MTMR3: variants seen among roughly 807,000 people sequenced by gnomAD.
MTMR3 encodes the protein myotubularin related protein 3, also known as phosphatidylinositol-3,5-bisphosphate 3-phosphatase MTMR3.
Under a neutral mutation model 132.4 loss-of-function variants are expected in MTMR3, and 32 were observed. The ratio of observed to expected loss-of-function variants is 0.24; its 90% CI spans 0.18 to 0.32. The LOEUF is 0.32. Ranked by LOEUF, MTMR3 falls within the 10% of genes least tolerant of loss-of-function variation. The probability of loss-of-function intolerance (pLI) is 1.00; values close to 1 mark genes in which losing one functional copy is unlikely to be tolerated. For missense variants in MTMR3, 1,216 were observed against 1,489.6 expected, an observed-to-expected ratio of 0.82 and a Z score of 3.02; for synonymous variants, 556 against 550.3, an observed-to-expected ratio of 1.01 and a Z score of -0.14.
At chr22:29,931,500 C>T (rs564950607) in intron 1 of MTMR3, among the ~76,000 whole-genome samples, 86 of 152,252 alleles carry the variant, frequency 5.6e-4, no homozygotes, top group Non-Finnish European at 9.7e-4. Flanking sequence ...CTGCAACTTC[C>T]GCCTCCTGGG....
intron 2 of MTMR3, among the ~76,000 whole-genome samples, chr22:29,966,542 T>C (rs2066418777): frequency 6.6e-6 from 1 of 152,192 alleles, no homozygotes; most frequent in Admixed American, 6.5e-5. Flanking sequence ...TAAAATAGTA[T>C]TATCAAATTC....
chr22:29,897,105 G>C (rs1412760663), intron 1 of MTMR3, among the ~76,000 whole-genome samples: 4 of 148,522 alleles, frequency 2.7e-5, no homozygotes, highest in African/African-American at 9.9e-5. Flanking sequence ...TTTTGAGTTG[G>C]AGTCTCGCTC....
intron 5 of MTMR3, chr22:29,985,827 T>TA (rs1253015895): frequency 1.3e-5 from 2 of 152,178 alleles, no homozygotes; most frequent in Admixed American, 1.3e-4. Context: ...TAGAAAAAAA[T>TA]ATGTATATAT....
rs2067951136 is a variant in MTMR3 at position 30,028,373 on chromosome 22, T to G, written c.*2572T>G. 1 of 152,426 alleles carries G rather than the reference T, an allele frequency of 6.6e-6. No individual in the cohort carries two copies. Among genetic ancestry groups the G allele is most frequent in the Non-Finnish European group, 1.5e-5 (1 of 68,082 alleles). 9.4% of individuals were successfully genotyped at this position (152,426 alleles called of 1,614,324 possible). On this transcript the variant is annotated 3_prime_UTR_variant, in exon 20 of 20. Transcript: ENST00000401950. ...GATGTGATTGGGTTATGCAGTCAAC[T>G]AGAGGTCTCCTTCCCGCCCTCTCTC... is the stretch of plus-strand genomic sequence containing the variant.
intron 3 of MTMR3, 61 bp downstream of exon 3, chr22:29,971,123 G>T: frequency 6.6e-7 from 1 of 1,514,150 alleles, no homozygotes; most frequent in Non-Finnish European, 8.9e-7. Flanking sequence ...TGACAATTAA[G>T]TGAACACTAA....
intron 1 of MTMR3, among the ~76,000 whole-genome samples, chr22:29,920,341 A>G (rs2065386702): frequency 6.6e-6 from 1 of 152,216 alleles, no homozygotes; most frequent in Non-Finnish European, 1.5e-5. Flanking sequence ...TATGCTAATT[A>G]AATGACTCAT....
At chr22:29,991,244 A>G (rs2066954981) in intron 6 of MTMR3, 1 of 258,798 alleles carries the variant, frequency 3.9e-6, no homozygotes, top group Non-Finnish European at 7.3e-6. Context: ...ATTGTCATTA[A>G]TCTTAGAAGA....
At chr22:29,945,835 A>G (rs1418413596) in intron 1 of MTMR3, among the ~76,000 whole-genome samples, 1 of 152,164 alleles carries the variant, frequency 6.6e-6, no homozygotes, top group Admixed American at 6.5e-5. Flanking sequence ...AAATTTATGG[A>G]TGAAAAAATT....
intron 1 of MTMR3, among the ~76,000 whole-genome samples, chr22:29,933,965 C>A (rs1206305420): frequency 1.3e-5 from 2 of 152,110 alleles, no homozygotes; most frequent in African/African-American, 4.8e-5. Context: ...ACTTATTTCC[C>A]TATGATAGTA....
intron 19 of MTMR3, chr22:30,023,600 T>C: frequency 7.8e-7 from 1 of 1,282,152 alleles, no homozygotes; most frequent in Non-Finnish European, 1.1e-6. Context: ...GGGCCTTGGG[T>C]GCACAGGCAG....
At chr22:29,999,807 T>G (rs994373434) in intron 8 of MTMR3, 4 of 151,638 alleles carry the variant, frequency 2.6e-5, no homozygotes, top group Non-Finnish European at 5.9e-5. Context: ...AGGTCAGGAG[T>G]TCGAGACCAG....
chr22:29,896,867 T>TCA (rs1491465662), intron 1 of MTMR3, among the ~76,000 whole-genome samples: 4 of 36,726 alleles, frequency 1.1e-4, no homozygotes, highest in South Asian at 8.3e-4. Flanking sequence ...AACAGGCTTG[T>TCA]CTCACACACA....
rs566583141 is a variant in MTMR3 at position 29,956,002 on chromosome 22, T to C, written c.-137-1034T>C. On this transcript the variant is annotated intron_variant, in intron 1 of 19. Transcript: ENST00000401950. Reference sequence around the variant, plus strand: ...CTTGACCTCAGGTGATCCACCCACCTTGGCCTCCCAAAGTGCTGGGATTAC... The same window carrying C: ...CTTGACCTCAGGTGATCCACCCACCCTGGCCTCCCAAAGTGCTGGGATTAC... 1.3e-3 allele frequency among the ~76,000 whole-genome samples: 195 copies of C among 152,334 alleles called. 1 individual carries two copies. The highest frequency in any genetic ancestry group is 4.6e-3 in the African/African-American group (191 of 41,590).
At chr22:29,928,488 A>G (rs1306459675) in intron 1 of MTMR3, among the ~76,000 whole-genome samples, 2 of 151,636 alleles carry the variant, frequency 1.3e-5, no homozygotes, top group African/African-American at 4.8e-5. Flanking sequence ...TTTTTCTTTT[A>G]GGCTTTCCCC....
At chr22:30,000,034 T>C (rs2067137194) in intron 8 of MTMR3, 1 of 151,988 alleles carries the variant, frequency 6.6e-6, no homozygotes, top group African/African-American at 2.4e-5. Flanking sequence ...AATGTAACCA[T>C]TTAGCCATTA....
At chr22:29,960,886 CT>C (rs917429796) in intron 2 of MTMR3, among the ~76,000 whole-genome samples, 1 of 151,966 alleles carries the variant, frequency 6.6e-6, no homozygotes, top group East Asian at 1.9e-4. Context: ...TGTTTAAAAG[CT>C]TTTTTTGTAG....
At chr22:29,918,237 A>G (rs1252105424) in intron 1 of MTMR3, among the ~76,000 whole-genome samples, 1 of 152,202 alleles carries the variant, frequency 6.6e-6, no homozygotes, top group African/African-American at 2.4e-5. Flanking sequence ...AACTTTCTTT[A>G]GAGGTGTATA....
chr22:29,950,365 TTA>T (rs2066051833), intron 1 of MTMR3, among the ~76,000 whole-genome samples: 1 of 149,250 alleles, frequency 6.7e-6, no homozygotes. Context: ...ATTTTTTTAT[TTA>T]TTTTTTTATT....
Position 30,013,438 on chromosome 22 carries a change from A to G in MTMR3, c.1400A>G (p.Asp467Gly), listed in dbSNP as rs2067487019. 1.2e-6 allele frequency: 2 copies of G among 1,614,034 alleles called. No homozygotes were observed. Among genetic ancestry groups the G allele is most frequent in the Non-Finnish European group, 1.7e-6 (2 of 1,180,022 alleles). Residue 467 changes from aspartate to glycine, a missense_variant, in exon 14 of 20, where the codon GAT becomes GGT. Around this residue, in one of 7 missense-constraint regions of MTMR3, gnomAD observed 106 missense variants for 209.5 expected, o/e 0.51. Coordinates refer to ENST00000401950, the MANE Select transcript of MTMR3 (RefSeq NM_021090.4). Reference protein sequence around the residue: ...ADRCGHGENSDDLNERCPVFL... With the variant: ...ADRCGHGENSGDLNERCPVFL... ...CGGTGTGGTCATGGGGAGAACTCGG[A>G]TGATCTGAATGAACGTTGCCCAGTG...
Sources: allele counts gnomAD v4.1 joint callset (sites outside exome capture counted in the v4.1 genomes callset), GRCh38; gene constraint gnomAD v4.1.1; regional missense constraint gnomAD v4.1.1; transcripts MANE v1.5; gene names NCBI Gene and HGNC (gene_info 2026-07-23, HGNC 2026-07-21).